Variants in TENM1 observed in about 807,000 individuals in gnomAD.
TENM1 encodes teneurin transmembrane protein 1, also known as teneurin-1.
Under a neutral mutation model 174.8 loss-of-function variants are expected in TENM1, and 35 were observed. That is an observed-to-expected ratio of 0.20 (90% confidence interval 0.15 to 0.27). The LOEUF (loss-of-function observed/expected upper bound fraction) is 0.27, where lower values mean the gene tolerates loss of function less well. Among genes scored for constraint, TENM1 ranks in the 10% least tolerant of loss-of-function variants. TENM1 has a pLI of 1.00. For missense variants in TENM1, 1,633 were observed against 2,130.1 expected (o/e 0.77, Z 4.59); for synonymous variants, 781 against 798.7 (o/e 0.98, Z 0.37).
intron 3 of TENM1, among the ~76,000 whole-genome samples, chrX:124,773,843 T>C (rs1007079557): frequency 2.7e-5 from 3 of 111,974 alleles, no homozygotes; most frequent in Non-Finnish European, 5.6e-5. Flanking sequence ...AGAAAATTGT[T>C]ATTGAGAATT....
chrX:124,793,182 A>G (rs1297388610), intron 3 of TENM1, among the ~76,000 whole-genome samples: 2 of 111,638 alleles, frequency 1.8e-5, no homozygotes, highest in African/African-American at 3.3e-5. Context: ...GTGAGATGTC[A>G]GACCTCATCA....
chrX:124,524,237 C>T (rs1031995954), intron 16 of TENM1, among the ~76,000 whole-genome samples: 1 of 111,637 alleles, frequency 9.0e-6, no homozygotes, highest in Admixed American at 9.5e-5. Context: ...TTCTGCAAAG[C>T]CAAATCTGAC....
At chrX:124,597,092 A>G (rs968511258) in intron 11 of TENM1, among the ~76,000 whole-genome samples, 2 of 111,668 alleles carry the variant, frequency 1.8e-5, no homozygotes, top group African/African-American at 6.5e-5. Flanking sequence ...AAAGTAGTAC[A>G]ACCCTATGGA....
At chrX:125,155,023 G>C in the TENM1 span, among the ~76,000 whole-genome samples, 1 of 111,621 alleles carries the variant, frequency 9.0e-6, no homozygotes, top group Non-Finnish European at 1.9e-5. Flanking sequence ...TGCCACTGCT[G>C]GCTCGGGCAG....
intron 27 of TENM1, among the ~76,000 whole-genome samples, chrX:124,394,665 C>T (rs1358755302): frequency 8.9e-6 from 1 of 112,320 alleles, no homozygotes; most frequent in African/African-American, 3.2e-5. Flanking sequence ...TCCAACCATC[C>T]AATGAAAATC....
At chrX:124,512,898 T>A (rs1476282948) in intron 18 of TENM1, among the ~76,000 whole-genome samples, 2 of 111,810 alleles carry the variant, frequency 1.8e-5, no homozygotes, top group Admixed American at 1.9e-4. Context: ...TCTTTCTCCA[T>A]CACCCAGAAG....
chrX:124,669,471 C>T (rs935654563), intron 6 of TENM1, among the ~76,000 whole-genome samples: 2 of 111,109 alleles, frequency 1.8e-5, no homozygotes, highest in East Asian at 5.7e-4. Context: ...TGTAGAAAAT[C>T]ATAAAAGGAT....
the TENM1 span, among the ~76,000 whole-genome samples, chrX:125,084,327 G>A: frequency 9.0e-6 from 1 of 110,650 alleles, no homozygotes; most frequent in East Asian, 2.8e-4. Flanking sequence ...TAGATAAGTG[G>A]ATAAAGCATG....
chrX:125,181,487 C>T, the TENM1 span, among the ~76,000 whole-genome samples: 1 of 112,094 alleles, frequency 8.9e-6, no homozygotes, highest in African/African-American at 3.2e-5. Flanking sequence ...CAATTTCACA[C>T]TCTACTTAAT....
chrX:124,827,883 T>A (rs903064573), intron 3 of TENM1, among the ~76,000 whole-genome samples: 2 of 111,911 alleles, frequency 1.8e-5, no homozygotes, highest in African/African-American at 6.5e-5. Context: ...AAACTCAATA[T>A]ATTTAACACA....
intron 18 of TENM1, among the ~76,000 whole-genome samples, chrX:124,517,696 G>C (rs1341567621): frequency 9.4e-6 from 1 of 106,635 alleles, no homozygotes; most frequent in African/African-American, 3.4e-5. Flanking sequence ...ATAGCATTAG[G>C]AGATAAACCT....
At chrX:125,031,043 G>C in the TENM1 span, among the ~76,000 whole-genome samples, 1 of 110,113 alleles carries the variant, frequency 9.1e-6, no homozygotes, top group Non-Finnish European at 1.9e-5. Flanking sequence ...TGAGGTTTGG[G>C]GTATGACTGA....
At chrX:124,596,733 A>G (rs1602748730) in intron 11 of TENM1, among the ~76,000 whole-genome samples, 3 of 111,902 alleles carry the variant, frequency 2.7e-5, no homozygotes, top group Admixed American at 1.9e-4. Context: ...CAGAGGTCAG[A>G]GAATTCAGGC....
chrX:124,773,859 T>C (rs2054718894), intron 3 of TENM1, among the ~76,000 whole-genome samples: 1 of 111,973 alleles, frequency 8.9e-6, no homozygotes, highest in Admixed American at 9.5e-5. Flanking sequence ...GAATTTATAA[T>C]TATGGGCCTA....
intron 1 of TENM1, among the ~76,000 whole-genome samples, chrX:124,908,275 T>C (rs1461769098): frequency 9.0e-6 from 1 of 111,516 alleles, no homozygotes; most frequent in African/African-American, 3.3e-5. Context: ...ACCTAGGTTT[T>C]AAGCCCTGCA....
intron 3 of TENM1, among the ~76,000 whole-genome samples, chrX:124,757,275 G>A (rs976021122): frequency 1.2e-4 from 13 of 112,455 alleles, no homozygotes; most frequent in African/African-American, 3.5e-4. Context: ...GCGAGACTCC[G>A]TGGGCGTAGG....
intron 5 of TENM1, among the ~76,000 whole-genome samples, chrX:124,699,395 AG>A (rs1390184308): frequency 9.0e-6 from 1 of 111,253 alleles, no homozygotes; most frequent in Non-Finnish European, 1.9e-5. Flanking sequence ...AGCCGGGCTA[AG>A]AAAGTACTGT....
At chrX:125,042,811 T>A in the TENM1 span, among the ~76,000 whole-genome samples, 4 of 111,522 alleles carry the variant, frequency 3.6e-5, no homozygotes, top group African/African-American at 1.3e-4. Context: ...ATAGACAGTA[T>A]CAGCTGACAA....
chrX:125,027,798 G>T, the TENM1 span, among the ~76,000 whole-genome samples: 1 of 110,057 alleles, frequency 9.1e-6, no homozygotes, highest in Non-Finnish European at 1.9e-5. Context: ...TGACTAAAAA[G>T]TAGCAAAATA....
Sources: gnomAD v4.1 joint callset for allele counts (sites outside exome capture counted in the v4.1 genomes callset) on GRCh38, gnomAD v4.1.1 for gene constraint, MANE v1.5 for transcripts, NCBI Gene and HGNC (gene_info 2026-07-23, HGNC 2026-07-21) for gene names.